IGDCC3: variants seen among roughly 807,000 people sequenced by gnomAD.
The protein encoded by IGDCC3 is immunoglobulin superfamily DCC subclass member 3, also known as putative neuronal cell adhesion molecule.
IGDCC3 carries 47 observed loss-of-function variants against 72.0 expected under a neutral mutation model. The ratio of observed to expected loss-of-function variants is 0.65; its 90% CI spans 0.52 to 0.83. IGDCC3 has a LOEUF of 0.83. IGDCC3 is among the 40% of genes least tolerant of loss of function. IGDCC3 has a pLI of 0.00. For synonymous variants in IGDCC3, 477 were observed against 472.8 expected, an observed-to-expected ratio of 1.01 and a Z score of -0.11; for missense variants, 1,038 against 1,091.3, an observed-to-expected ratio of 0.95 and a Z score of 0.69.
rs1247565949 is a variant in IGDCC3, at chr15:65,365,270, C to A, written c.409+9827G>T. 3.3e-5 allele frequency among the ~76,000 whole-genome samples: 5 copies of A among 152,188 alleles called. No homozygotes were observed. The East Asian group carries it at 9.6e-4, about 29-fold the overall frequency. ...AAAGGGCTAGAACTTGTGTCTCTCTCACGGTGGTCTGTCCCCTCCTCCATT... is the reference window on the plus strand; with the variant it reads ...AAAGGGCTAGAACTTGTGTCTCTCTAACGGTGGTCTGTCCCCTCCTCCATT... On this transcript the variant is annotated intron_variant, in intron 2 of 13. Coordinates refer to ENST00000327987, the MANE Select transcript of IGDCC3 (RefSeq NM_004884.4).
At position 65,331,204 on chromosome 15, in the gene IGDCC3, C is replaced by G. The variant is rs757100151; in HGVS notation, c.1407G>C (p.Glu469Asp). The change falls in exon 9 of 14, where the codon GAG becomes GAC. Residue 469 changes from glutamate to aspartate, a missense_variant. Transcript: ENST00000327987. ...TGCTGACTGCCTCCTGATACTCCAG[C>G]TCCGGTGGGTCTGGAGAGGCACAGG... Reference protein sequence around the residue: ...LHIRKAADPPELEYQEAVSKS... With the variant: ...LHIRKAADPPDLEYQEAVSKS... 11 of 1,613,786 alleles carry G rather than the reference C, an allele frequency of 6.8e-6. No individual in the cohort carries two copies. In the South Asian group the frequency reaches 1.2e-4, roughly 18 times the overall value.
At position 65,329,287 on chromosome 15, in the gene IGDCC3, A is replaced by C; in HGVS notation, c.2205+103T>G. ...AAAGAGAAGACCTGCAGTTTGACTA[A>C]GGCCAATGATCGAGGCCCGTGGCCA... On this transcript the variant is annotated intron_variant, in intron 13 of 13. Transcript: ENST00000327987. The surrounding 1 kb of genome is among the most constrained non-coding windows in gnomAD (Gnocchi z 4.1). 5 of 1,474,652 alleles carry C rather than the reference A, an allele frequency of 3.4e-6. No homozygotes were observed. The highest frequency in any genetic ancestry group is 4.6e-6 in the Non-Finnish European group (5 of 1,095,204). The allele number at this position is 1,474,652 out of a possible 1,614,324, so 91.3% of individuals were successfully genotyped here.
chr15:65,357,096 C>T (rs1199623277), intron 2 of IGDCC3, among the ~76,000 whole-genome samples: 1 of 151,878 alleles, frequency 6.6e-6, no homozygotes. Context: ...AGGCAATCCG[C>T]CCACCTCAGC....
In IGDCC3 at chr15:65,329,028, A is replaced by G; in HGVS notation, c.2326T>C (p.Cys776Arg). The G allele has an allele frequency of 6.2e-7, 1 of 1,612,372 alleles. No homozygotes were observed. Among genetic ancestry groups the G allele is most frequent in the South Asian group, 1.1e-5 (1 of 90,978 alleles). Residue 776 changes from cysteine (C) to arginine (R), a missense_variant, in exon 14 of 14, where the codon TGC (cysteine) becomes CGC (arginine). Transcript: ENST00000327987. The surrounding 1 kb of genome is among the most constrained non-coding windows in gnomAD (Gnocchi z 4.1). ...EAKTTEATAP[C>R]AGLAAAPPPP... ...GGTGGGGCAGCCGCCAGGCCGGCGC[A>G]GGGAGCCGTGGCCTCTGTGGTCTTC...
chr15:65,360,281 G>A (rs2091252143), intron 2 of IGDCC3, among the ~76,000 whole-genome samples: 2 of 152,200 alleles, frequency 1.3e-5, no homozygotes, highest in African/African-American at 4.8e-5. Flanking sequence ...TCCTGATTTT[G>A]TTATGGTTTG....
intron 2 of IGDCC3, among the ~76,000 whole-genome samples, chr15:65,370,272 T>C (rs937917494): frequency 1.3e-5 from 2 of 151,970 alleles, no homozygotes; most frequent in Non-Finnish European, 2.9e-5. Flanking sequence ...ATCCCAGCAC[T>C]TTCGGAGGAA....
chr15:65,342,843 T>C (rs2091094036), intron 2 of IGDCC3, among the ~76,000 whole-genome samples: 1 of 152,158 alleles, frequency 6.6e-6, no homozygotes, highest in Non-Finnish European at 1.5e-5. Context: ...CTTTGTTTGC[T>C]TTTGTGTTTG....
At chr15:65,333,437 G>A (rs1192648969) in intron 5 of IGDCC3, 22 bp from the exon 6 acceptor site, 2 of 1,579,540 alleles carry the variant, frequency 1.3e-6, no homozygotes, top group African/African-American at 1.4e-5. Context: ...GGGGAGGGGG[G>A]ATGGGTGAGG....
Position 65,377,892 on chromosome 15 carries a change from CG to C in IGDCC3, c.-105del. The stretch of plus-strand genomic sequence containing the variant: ...CCGGGGCCGGGGCTGGGGCTCCGGC[CG>C]GGGCCGAGCCCAGGCGGTGGGGGAC... On this transcript the variant is annotated 5_prime_UTR_variant, in exon 1 of 14. The change abolishes the stop of an existing upstream ORF in the 5' untranslated region. Transcript: ENST00000327987. The surrounding 1 kb of genome is among the most constrained non-coding windows in gnomAD (Gnocchi z 4.9). The C allele has an allele frequency of 9.9e-7, 1 of 1,005,972 alleles. No homozygotes were observed. The highest frequency in any genetic ancestry group is 1.2e-6 in the Non-Finnish European group (1 of 840,310). 62.3% of individuals were successfully genotyped at this position (1,005,972 alleles called of 1,614,324 possible).
chr15:65,346,976 C>T (rs771990299), intron 2 of IGDCC3, among the ~76,000 whole-genome samples: 11 of 152,166 alleles, frequency 7.2e-5, no homozygotes, highest in Non-Finnish European at 1.3e-4. Flanking sequence ...TCCTCTCTGC[C>T]TTGGACTTGA....
At chr15:65,336,026 T>C (rs2141037267) in intron 2 of IGDCC3, 70 bp from the exon 3 acceptor site, 1 of 1,524,324 alleles carries the variant, frequency 6.6e-7, no homozygotes, top group East Asian at 2.3e-5. Flanking sequence ...TGGGCTGCAG[T>C]GGCGTCACAG....
Position 65,328,825 on chromosome 15 carries a change from A to T in IGDCC3, c.*84T>A. Reference sequence around the variant, plus strand: ...GCTGGGGAGCCCCCAGGACCATCCAAATCCCACATGACAGTAGAAATCTTG... The same window carrying T: ...GCTGGGGAGCCCCCAGGACCATCCATATCCCACATGACAGTAGAAATCTTG... On this transcript the variant is annotated 3_prime_UTR_variant, in exon 14 of 14. Coordinates refer to ENST00000327987, the MANE Select transcript of IGDCC3 (RefSeq NM_004884.4). The T allele has an allele frequency of 6.8e-7, 1 of 1,467,100 alleles. No individual in the cohort carries two copies. The highest frequency in any genetic ancestry group is 9.0e-7 in the Non-Finnish European group (1 of 1,104,982). 90.9% of individuals were successfully genotyped at this position (1,467,100 alleles called of 1,614,324 possible).
chr15:65,377,548 G>C lies in IGDCC3; in HGVS notation c.103+138C>G. On this transcript the variant is annotated intron_variant, in intron 1 of 13. Transcript: ENST00000327987. This position sits in a 1 kb window ranked among gnomAD's most constrained non-coding sequence, Gnocchi z 4.9. ...TGGTACCCTCTCCCCGTCCGGATCC[G>C]CAGGGTCCCCCCCGCGCGGGGTCCG... 1 of 886,478 alleles carries C rather than the reference G, an allele frequency of 1.1e-6. No homozygotes were observed. Among genetic ancestry groups the C allele is most frequent in the Non-Finnish European group, 1.5e-6 (1 of 673,284 alleles). 54.9% of individuals were successfully genotyped at this position (886,478 alleles called of 1,614,324 possible). A position where few individuals can be genotyped will look rare whatever the true frequency, so the allele number is the denominator to read the frequency against.
chr15:65,350,756 C>G (rs970955789), intron 2 of IGDCC3, among the ~76,000 whole-genome samples: 4 of 152,194 alleles, frequency 2.6e-5, no homozygotes, highest in Non-Finnish European at 4.4e-5. Flanking sequence ...GCCATGGTAC[C>G]CGACCAAGAG....
rs1016798805 is a variant in IGDCC3 at position 65,335,968 on chromosome 15, G to T, written c.410-12C>A. The T allele has an allele frequency of 6.2e-7, 1 of 1,613,892 alleles. No homozygotes were observed. Among genetic ancestry groups the T allele is most frequent in the Non-Finnish European group, 8.5e-7 (1 of 1,179,930 alleles). On this transcript the variant is annotated splice_polypyrimidine_tract_variant and intron_variant, in intron 2 of 13. Transcript: ENST00000327987. ...GAAGTCCGACATGGCTGGGGGAAGA[G>T]AAGTGTATGAGTGCAGTGCGCTGCT...
chr15:65,371,862 G>A (rs190909114), intron 2 of IGDCC3, among the ~76,000 whole-genome samples: 7 of 152,272 alleles, frequency 4.6e-5, no homozygotes, highest in Admixed American at 1.3e-4. Flanking sequence ...GAGGGATAGC[G>A]GAGGGTCTCA....
rs1336835131 is a variant in IGDCC3, at chr15:65,334,827, C to A, written c.724G>T (p.Val242Leu). 6.2e-7 allele frequency: 1 copy of A among 1,613,280 alleles called. No homozygotes were observed. Among genetic ancestry groups the A allele is most frequent in the African/African-American group, 1.3e-5 (1 of 75,022 alleles). ...GTCAGGGTGAGGTTCTCAGGCCCCA[C>A]GAGGATGGCTGGCTCCTTGTAGGCC... The part of the protein sequence containing the change: ...SGAYKEPAIL[V>L]GPENLTLTVH... The change falls in exon 5 of 14, where the codon GTG (valine) becomes TTG (leucine). Residue 242 changes from valine (V) to leucine (L), a missense_variant. Physicochemically the swap from Val to Leu is conservative, Grantham distance 32. Coordinates refer to ENST00000327987, the MANE Select transcript of IGDCC3 (RefSeq NM_004884.4).
At chr15:65,345,558 G>GCACACACACACACACACACACACGCA (rs139591852) in intron 2 of IGDCC3, among the ~76,000 whole-genome samples, 1 of 145,758 alleles carries the variant, frequency 6.9e-6, no homozygotes, top group South Asian at 2.2e-4. Context: ...TGTCTCACAC[G>GCACACACACACACACACACACACGCA]CACACACACA....
intron 2 of IGDCC3, among the ~76,000 whole-genome samples, chr15:65,345,274 C>G (rs1045521932): frequency 1.3e-5 from 2 of 151,952 alleles, no homozygotes; most frequent in African/African-American, 2.4e-5. Flanking sequence ...GGATGATGGC[C>G]AGGTGCAGTG....
Sources: gnomAD v4.1 joint callset for allele counts (sites outside exome capture counted in the v4.1 genomes callset) on GRCh38, gnomAD v4.1.1 for gene constraint, Gnocchi (gnomAD v3.1) non-coding constraint, MANE v1.5 for transcripts, NCBI Gene and HGNC (gene_info 2026-07-23, HGNC 2026-07-21) for gene names.